AOX1: variants seen among roughly 807,000 people sequenced by gnomAD.
The protein encoded by AOX1 is aldehyde oxidase 1.
Under a neutral mutation model 169.5 loss-of-function variants are expected in AOX1, and 153 were observed. That is an observed-to-expected ratio of 0.90 (90% CI 0.79 to 1.03). The LOEUF (loss-of-function observed/expected upper bound fraction) is 1.03, where lower values mean the gene tolerates loss of function less well. AOX1 is among the 50% of genes least tolerant of loss of function. The pLI is 0.00. For synonymous variants in AOX1, 562 were observed against 581.9 expected (o/e 0.97, Z 0.49); for missense variants, 1,656 against 1,663.9 (o/e 1.00, Z 0.08).
chr2:200,588,726 C>CTTTTTTTTTTCTTTTTTTTTTTTTTT (rs2034096771), intron 1 of AOX1, among the ~76,000 whole-genome samples: 1 of 53,986 alleles, frequency 1.9e-5, no homozygotes, highest in African/African-American at 6.2e-5. Flanking sequence ...CTAGAATAAG[C>CTTTTTTTTTTCTTTTTTTTTTTTTTT]TTTTTTTTTT....
chr2:200,607,989 G>A (rs1559235768), intron 10 of AOX1, among the ~76,000 whole-genome samples: 2 of 152,126 alleles, frequency 1.3e-5, no homozygotes, highest in Non-Finnish European at 2.9e-5. Context: ...CAAGGGAAGG[G>A]AGAGCATTAG....
At chr2:200,626,976 C>T (rs887757310) in intron 19 of AOX1, among the ~76,000 whole-genome samples, 8 of 152,180 alleles carry the variant, frequency 5.3e-5, no homozygotes, top group Non-Finnish European at 1.2e-4. Context: ...AAAATGTGTG[C>T]ACAATGCTGA....
chr2:200,656,199 T>C lies in AOX1; in HGVS notation c.3076-643T>C, dbSNP rs147938147. Among the ~76,000 whole-genome samples, 266 of 152,318 alleles carry C rather than the reference T, an allele frequency of 1.7e-3. 2 individuals are homozygous for C. The highest frequency in any genetic ancestry group is 6.1e-3 in the African/African-American group (255 of 41,574). ...CATTGCTGCTGATGTTGCTCTTACA[T>C]TGCAGAGCCAAAGGGAAGAAGCCAT... On this transcript the variant is annotated intron_variant, in intron 26 of 34. Coordinates refer to ENST00000374700, the MANE Select transcript of AOX1 (RefSeq NM_001159.4).
chr2:200,597,008 GGC>G (rs1290023473), intron 3 of AOX1, among the ~76,000 whole-genome samples: 3 of 152,134 alleles, frequency 2.0e-5, no homozygotes, highest in Non-Finnish European at 4.4e-5. Flanking sequence ...GGTGAAGTCT[GGC>G]TGCTCTGGTT....
At chr2:200,636,412 AG>A (rs1367140793) in intron 21 of AOX1, among the ~76,000 whole-genome samples, 1 of 152,098 alleles carries the variant, frequency 6.6e-6, no homozygotes, top group African/African-American at 2.4e-5. Flanking sequence ...TACAGGCATG[AG>A]CCACCACATC....
At position 200,641,126 on chromosome 2, in the gene AOX1, T is replaced by G. The variant is rs779078162; in HGVS notation, c.2597T>G (p.Leu866Trp). The G allele has an allele frequency of 6.8e-6, 11 of 1,613,548 alleles. No individual in the cohort carries two copies. In the East Asian group the frequency reaches 2.5e-4, roughly 36 times the overall value. Residue 866 changes from leucine to tryptophan, a missense_variant, in exon 24 of 35, where the codon TTG (leucine) becomes TGG (tryptophan). By Grantham distance (61) the Leu-to-Trp change is moderately conservative (BLOSUM62 -2). Transcript: ENST00000374700. ...KAGFMNDGRI[L>W]ALDMEHYSNA... is the part of the protein sequence containing the mutation. ...GGATTCATGAACGATGGCAGAATCT[T>G]GGCCCTGGACATGGAGCATTACAGC...
rs757022946 is a variant in AOX1 at position 200,659,960 on chromosome 2, TAGG to T, written c.3301-32_3301-30del. The T allele has an allele frequency of 6.2e-5, 95 of 1,522,854 alleles. No individual in the cohort carries two copies. In the African/African-American group the frequency reaches 6.9e-4, roughly 11 times the overall value. 94.3% of individuals were successfully genotyped at this position (1,522,854 alleles called of 1,614,324 possible). On this transcript the variant is annotated intron_variant, in intron 28 of 34. Coordinates refer to ENST00000374700, the MANE Select transcript of AOX1 (RefSeq NM_001159.4). ...TTTGAATTTGGTGTTTGCATGAAAT[TAGG>T]AGCATAATTTTAATTTAAAAATAAT... is the stretch of plus-strand genomic sequence containing the variant.
chr2:200,654,379 A>G (rs1001924348), intron 26 of AOX1, among the ~76,000 whole-genome samples: 15 of 152,328 alleles, frequency 9.8e-5, no homozygotes, highest in African/African-American at 3.6e-4. Flanking sequence ...AGCATTTTTT[A>G]ACAAAGTATT....
Position 200,642,822 on chromosome 2 carries a change from C to A in AOX1, c.2847+21C>A, listed in dbSNP as rs997338718. ...AGAAGGTAATACTAAATCAGCTTCA[C>A]AGACAAAACATGTGGAATGTCAGAG... On this transcript the variant is annotated intron_variant, in intron 25 of 34. Transcript: ENST00000374700. 4 of 1,600,086 alleles carry A rather than the reference C, an allele frequency of 2.5e-6. No homozygotes were observed. The African/African-American group carries it at 4.0e-5, about 16-fold the overall frequency.
chr2:200,657,190 A>ATATATTTT, intron 27 of AOX1, among the ~76,000 whole-genome samples: 24 of 62,878 alleles, frequency 3.8e-4, no homozygotes, highest in Non-Finnish European at 3.4e-4. Flanking sequence ...ATATATATAT[A>ATATATTTT]TTTTTTTTTT....
chr2:200,602,535 G>A (rs2034439922), intron 6 of AOX1, among the ~76,000 whole-genome samples, 190 bp downstream of exon 6: 1 of 152,118 alleles, frequency 6.6e-6, no homozygotes, highest in Non-Finnish European at 1.5e-5. Flanking sequence ...TGCCTTGGTG[G>A]TCGCATAATG....
At chr2:200,604,911 T>TG in intron 9 of AOX1, 71 bp downstream of exon 9, 2 of 771,594 alleles carry the variant, frequency 2.6e-6, no homozygotes, top group Non-Finnish European at 2.1e-6. Context: ...CGGGGTGGGC[T>TG]GGGGAAACTT....
chr2:200,655,706 G>T (rs2035668634), intron 26 of AOX1, among the ~76,000 whole-genome samples: 1 of 152,144 alleles, frequency 6.6e-6, no homozygotes, highest in African/African-American at 2.4e-5. Context: ...GTTTCTGGTT[G>T]TCATTCACGG....
rs369101350 is a variant in AOX1 at position 200,604,111 on chromosome 2, T to A, written c.669+14T>A. The A allele has an allele frequency of 6.4e-7, 1 of 1,569,602 alleles. No individual in the cohort carries two copies. Among genetic ancestry groups the A allele is most frequent in the Non-Finnish European group, 8.8e-7 (1 of 1,139,622 alleles). On this transcript the variant is annotated intron_variant, in intron 8 of 34. Transcript: ENST00000374700. Reference sequence around the variant, plus strand: ...CCTGAGCTAATGGTGAGTAAAGCAATGTTGAGCTCATCCTAGAAGAATTCA... The same window carrying A: ...CCTGAGCTAATGGTGAGTAAAGCAAAGTTGAGCTCATCCTAGAAGAATTCA...
At chr2:200,635,049 C>T in intron 21 of AOX1, 134 bp downstream of exon 21, 1 of 1,007,530 alleles carries the variant, frequency 9.9e-7, no homozygotes, top group Non-Finnish European at 1.5e-6. Flanking sequence ...GAGCTCAAGG[C>T]TTCAGTGATC....
In AOX1 at chr2:200,634,904, A is replaced by G; in HGVS notation, c.2335A>G (p.Lys779Glu). 1 of 1,614,038 alleles carries G rather than the reference A, an allele frequency of 6.2e-7. No homozygotes were observed. The highest frequency in any genetic ancestry group is 8.5e-7 in the Non-Finnish European group (1 of 1,179,918). Residue 779 changes from lysine to glutamate, a missense_variant, in exon 21 of 35, where the codon AAA becomes GAA. Lys to Glu is a moderately conservative substitution (Grantham distance 56). Coordinates refer to ENST00000374700, the MANE Select transcript of AOX1 (RefSeq NM_001159.4). ...MDVYVSTQFP[K>E]YIQDIVASTL... The stretch of plus-strand genomic sequence containing the variant: ...TGTCTACGTGTCCACACAGTTTCCC[A>G]AATATATACAGGTAACATGGGGCCA...
chr2:200,622,331 C>T (rs2034904061), intron 18 of AOX1, among the ~76,000 whole-genome samples: 1 of 152,226 alleles, frequency 6.6e-6, no homozygotes, highest in Non-Finnish European at 1.5e-5. Context: ...ATAGTGATAA[C>T]ATTGTTGCCT....
At chr2:200,604,144 A>G in intron 8 of AOX1, 47 bp downstream of exon 8, 1 of 1,378,786 alleles carries the variant, frequency 7.3e-7, no homozygotes, top group Non-Finnish European at 1.0e-6. Flanking sequence ...TCATGGTGAA[A>G]TATCAGGAAG....
At chr2:200,658,070 T>C (rs1265957161) in intron 27 of AOX1, among the ~76,000 whole-genome samples, 1 of 152,244 alleles carries the variant, frequency 6.6e-6, no homozygotes, top group Admixed American at 6.5e-5. Context: ...GTTGTTTGAA[T>C]ACTTCAGTGA....
Sources: gnomAD v4.1 joint callset for allele counts (sites outside exome capture counted in the v4.1 genomes callset) on GRCh38, gnomAD v4.1.1 for gene constraint, MANE v1.5 for transcripts, NCBI Gene and HGNC (gene_info 2026-07-23, HGNC 2026-07-21) for gene names.